Variants in ADAM32 observed in about 807,000 individuals in gnomAD.
ADAM32 encodes disintegrin and metalloproteinase domain-containing protein 32.
ADAM32 carries 89 observed loss-of-function variants against 114.9 expected under a neutral mutation model. The ratio of observed to expected loss-of-function variants is 0.77; its 90% confidence interval spans 0.65 to 0.92. The LOEUF (loss-of-function observed/expected upper bound fraction) is 0.92. ADAM32 is among the 40% of genes least tolerant of loss of function. The probability of loss-of-function intolerance (pLI) is 0.00; values close to 1 mark genes in which losing one functional copy is unlikely to be tolerated. For synonymous variants in ADAM32, 285 were observed against 307.5 expected, an observed-to-expected ratio of 0.93 and a Z score of 0.77; for missense variants, 870 against 932.8, an observed-to-expected ratio of 0.93 and a Z score of 0.88.
chr8:39,245,481 A>G (rs1307428350), intron 16 of ADAM32, among the ~76,000 whole-genome samples: 1 of 152,170 alleles, frequency 6.6e-6, no homozygotes, highest in Non-Finnish European at 1.5e-5. Context: ...AGAAGTAGTT[A>G]AGGTTAAATG....
chr8:39,277,985 T>C (rs1329903516), intron 22 of ADAM32, among the ~76,000 whole-genome samples: 2 of 152,204 alleles, frequency 1.3e-5, no homozygotes, highest in East Asian at 3.9e-4. Flanking sequence ...CCCAAACTCT[T>C]GTCTGGCATC....
Position 39,151,375 on chromosome 8 carries a change from A to G in ADAM32, c.354-2A>G. 1 of 1,577,984 alleles carries G rather than the reference A, an allele frequency of 6.3e-7. No homozygotes were observed. The highest frequency in any genetic ancestry group is 1.2e-5 in the South Asian group (1 of 82,868). On this transcript the variant is annotated splice_acceptor_variant, in intron 5 of 24. Coordinates refer to ENST00000379907, the MANE Select transcript of ADAM32 (RefSeq NM_145004.7). LOFTEE classifies it high-confidence loss of function. ...CTTAAAATTGTATTCATAATTTCAC[A>G]GAGGAATACTGCAATTTGAAAATGT... is the stretch of plus-strand genomic sequence containing the variant.
At chr8:39,228,424 C>CA (rs1809535173) in intron 14 of ADAM32, among the ~76,000 whole-genome samples, 1 of 151,868 alleles carries the variant, frequency 6.6e-6, no homozygotes, top group African/African-American at 2.4e-5. Flanking sequence ...CAAGGAAATC[C>CA]AAAAAATGAT....
At chr8:39,283,561 A>G in intron 23 of ADAM32, 25 bp from the exon 24 acceptor site, 2 of 1,568,928 alleles carry the variant, frequency 1.3e-6, no homozygotes, top group Non-Finnish European at 1.7e-6. Flanking sequence ...ATCAGCCTAA[A>G]AATGTTATTT....
chr8:39,107,650 CG>C, upstream of ADAM32: 1 of 1,503,496 alleles, frequency 6.7e-7, no homozygotes, highest in Non-Finnish European at 8.8e-7. Flanking sequence ...ACCCCGTCTC[CG>C]GGGCCTCCGG....
chr8:39,142,802 T>C (rs982056830), intron 3 of ADAM32, among the ~76,000 whole-genome samples: 23 of 152,202 alleles, frequency 1.5e-4, no homozygotes, highest in African/African-American at 5.5e-4. Context: ...GAGTGTATTC[T>C]ATCTTGGTTC....
chr8:39,170,851 G>T (rs965516066), intron 10 of ADAM32, among the ~76,000 whole-genome samples: 2 of 152,100 alleles, frequency 1.3e-5, no homozygotes, highest in Admixed American at 1.3e-4. Context: ...ATTACCAGAG[G>T]TTGGGAAGGG....
At chr8:39,162,001 TA>T (rs1209917722) in intron 7 of ADAM32, among the ~76,000 whole-genome samples, 23 of 432 alleles carry the variant, frequency 0.053, no homozygotes, top group Non-Finnish European at 0.15. Flanking sequence ...TATTTTATTT[TA>T]TATATATATA....
intron 1 of ADAM32, among the ~76,000 whole-genome samples, chr8:39,108,718 A>G (rs950932119): frequency 1.3e-5 from 2 of 152,118 alleles, no homozygotes; most frequent in African/African-American, 4.8e-5. Flanking sequence ...TGATACTGTA[A>G]ATTTTTGAGA....
chr8:39,128,900 C>T (rs1459731506), intron 2 of ADAM32, among the ~76,000 whole-genome samples: 3 of 152,092 alleles, frequency 2.0e-5, no homozygotes, highest in Non-Finnish European at 4.4e-5. Flanking sequence ...CTTGGTTCTT[C>T]ATCTGGTAAT....
chr8:39,118,466 C>A (rs916247979), intron 2 of ADAM32, among the ~76,000 whole-genome samples: 2 of 152,020 alleles, frequency 1.3e-5, no homozygotes, highest in Non-Finnish European at 2.9e-5. Flanking sequence ...GAATAATTTT[C>A]TCCAAAATGT....
chr8:39,172,451 T>C (rs1185975288), intron 10 of ADAM32, among the ~76,000 whole-genome samples: 1 of 152,206 alleles, frequency 6.6e-6, no homozygotes, highest in Non-Finnish European at 1.5e-5. Context: ...AAGCCCCACA[T>C]ACATTAGCTG....
intron 11 of ADAM32, among the ~76,000 whole-genome samples, chr8:39,200,688 A>C (rs1413238445): frequency 6.6e-6 from 1 of 152,186 alleles, no homozygotes; most frequent in Non-Finnish European, 1.5e-5. Flanking sequence ...TTAGACATGA[A>C]GTCCTTGCAC....
At chr8:39,250,925 T>C (rs749237773) in intron 17 of ADAM32, among the ~76,000 whole-genome samples, 8 of 151,984 alleles carry the variant, frequency 5.3e-5, no homozygotes, top group Non-Finnish European at 1.2e-4. Flanking sequence ...GAACATGTGA[T>C]ATTTATCTTT....
At chr8:39,115,628 T>G (rs4733975) in intron 1 of ADAM32, among the ~76,000 whole-genome samples, 1 of 150,972 alleles carries the variant, frequency 6.6e-6, no homozygotes, top group Non-Finnish European at 1.5e-5. Context: ...AAGCTCCTTA[T>G]TGAGTCCAGA....
intron 1 of ADAM32, 104 bp from the exon 2 acceptor site, chr8:39,117,982 G>T: frequency 3.0e-6 from 2 of 664,552 alleles, no homozygotes; most frequent in Non-Finnish European, 2.4e-6. Context: ...ACACAGTGAT[G>T]AGCCACCCAT....
chr8:39,179,646 GT>G (rs1225062493), intron 10 of ADAM32, among the ~76,000 whole-genome samples: 1 of 152,160 alleles, frequency 6.6e-6, no homozygotes, highest in Non-Finnish European at 1.5e-5. Context: ...GGTTTTCAAG[GT>G]AGGGCTGCAC....
chr8:39,271,522 A>G (rs1239827690), intron 20 of ADAM32, among the ~76,000 whole-genome samples: 1 of 143,688 alleles, frequency 7.0e-6, no homozygotes, highest in Admixed American at 7.1e-5. Flanking sequence ...AAAGAAATAC[A>G]GGTAATTGAA....
At chr8:39,139,403 CT>C (rs1803004766) in intron 3 of ADAM32, among the ~76,000 whole-genome samples, 1 of 152,090 alleles carries the variant, frequency 6.6e-6, no homozygotes, top group African/African-American at 2.4e-5. Flanking sequence ...GGCTAGCCAG[CT>C]TTCCCAGCAC....
Sources: gnomAD v4.1 joint callset for allele counts (sites outside exome capture counted in the v4.1 genomes callset) on GRCh38, gnomAD v4.1.1 for gene constraint, MANE v1.5 for transcripts, NCBI Gene and HGNC (gene_info 2026-07-23, HGNC 2026-07-21) for gene names.